The following TTL variants were observed in gnomAD, a reference collection of about 807,000 sequenced individuals.
TTL encodes tubulin--tyrosine ligase.
A neutral mutation model predicts 41.1 loss-of-function variants in TTL; 10 were observed. That is an observed-to-expected ratio of 0.24 (90% CI 0.15 to 0.41). TTL has a LOEUF of 0.41. Ranked by LOEUF, TTL falls within the 10% of genes least tolerant of loss-of-function variation. The pLI, the probability that TTL is intolerant of heterozygous loss-of-function variation, is 1.00. For synonymous variants in TTL, 175 were observed against 175.5 expected (o/e 1.00, Z 0.02); for missense variants, 367 against 460.4 (o/e 0.80, Z 1.86).
At chr2:112,503,241 T>C in intron 5 of TTL, 60 bp downstream of exon 5, 2 of 1,413,318 alleles carry the variant, frequency 1.4e-6, no homozygotes, top group Admixed American at 2.4e-5. Flanking sequence ...TTGGCGTCTA[T>C]GCCTTTCAAA....
chr2:112,494,328 A>T lies in TTL; in HGVS notation c.422A>T (p.Asp141Val). The T allele has an allele frequency of 6.2e-7, 1 of 1,614,190 alleles. No individual in the cohort carries two copies. Among genetic ancestry groups the T allele is most frequent in the Non-Finnish European group, 8.5e-7 (1 of 1,180,042 alleles). The change falls in exon 3 of 7, where the codon GAT becomes GTT. Residue 141 changes from aspartate to valine, a missense_variant. Asp to Val is a radical substitution (Grantham distance 152). Transcript: ENST00000233336. ...GCCTCTTATAACAGAAAGAAAGAGGATGGAGAGGGCAACGTTTGGATTGCA... is the reference window on the plus strand; with the variant it reads ...GCCTCTTATAACAGAAAGAAAGAGGTTGGAGAGGGCAACGTTTGGATTGCA... ...FLASYNRKKE[D>V]GEGNVWIAKS...
rs1682439503 is a variant in TTL, at chr2:112,529,040, G to T, written c.*245G>T. On this transcript the variant is annotated 3_prime_UTR_variant, in exon 7 of 7. Transcript: ENST00000233336. ...TTGAAAACAACTTTGGTACACAAAG[G>T]CAGCTTTGTGAGCAGAGCTCCTTCC... 5 of 543,500 alleles carry T rather than the reference G, an allele frequency of 9.2e-6. No homozygotes were observed. The highest frequency in any genetic ancestry group is 1.7e-5 in the Non-Finnish European group (5 of 301,944). The allele number at this position is 543,500 out of a possible 1,614,324, so 33.7% of individuals were successfully genotyped here. A position where few individuals can be genotyped will look rare whatever the true frequency, so the allele number is the denominator to read the frequency against.
Position 112,531,958 on chromosome 2 carries a change from A to G in TTL, c.*3163A>G, listed in dbSNP as rs1159408802. 1 of 225,706 alleles carries G rather than the reference A, an allele frequency of 4.4e-6. No homozygotes were observed. The highest frequency in any genetic ancestry group is 8.8e-6 in the Non-Finnish European group (1 of 113,558). The allele number at this position is 225,706 out of a possible 1,614,324, so 14.0% of individuals were successfully genotyped here. Reference sequence around the variant, plus strand: ...TCCCTTTCCCCAAAACTCAACTCCTATGGCAATTATGAACTCCATTTTACC... The same window carrying G: ...TCCCTTTCCCCAAAACTCAACTCCTGTGGCAATTATGAACTCCATTTTACC... On this transcript the variant is annotated 3_prime_UTR_variant, in exon 7 of 7. Transcript: ENST00000233336.
At chr2:112,514,699 T>A (rs1224866224) in intron 5 of TTL, among the ~76,000 whole-genome samples, 1 of 152,228 alleles carries the variant, frequency 6.6e-6, no homozygotes, top group African/African-American at 2.4e-5. Flanking sequence ...TCTTTGTACA[T>A]ATTCCTGCAT....
intron 6 of TTL, among the ~76,000 whole-genome samples, chr2:112,523,339 T>C (rs1213645003): frequency 1.2e-5 from 1 of 86,832 alleles, no homozygotes; most frequent in East Asian, 3.7e-4. Context: ...TGTCTGTGGG[T>C]GTGTGTGTGT....
At chr2:112,500,596 TA>T (rs1681665598) in intron 3 of TTL, among the ~76,000 whole-genome samples, 1 of 152,176 alleles carries the variant, frequency 6.6e-6, no homozygotes, top group Non-Finnish European at 1.5e-5. Flanking sequence ...AACAAAGAAA[TA>T]ACAACAAAAA....
At chr2:112,501,866 CAAAAAA>C (rs67074839) in intron 4 of TTL, among the ~76,000 whole-genome samples, 11 of 138,138 alleles carry the variant, frequency 8.0e-5, no homozygotes, top group Admixed American at 1.4e-4. Flanking sequence ...ACTCCTGTGT[CAAAAAA>C]AAAAAAAAAA....
chr2:112,503,112 A>G lies in TTL; in HGVS notation c.806A>G (p.Gln269Arg). 1 of 1,613,402 alleles carries G rather than the reference A, an allele frequency of 6.2e-7. No homozygotes were observed. The highest frequency in any genetic ancestry group is 8.5e-7 in the Non-Finnish European group (1 of 1,179,928). ...GAAATGTTCTTCAAGGAGTTCAATC[A>G]GTACCTAACAAGTGCTTTGAACATT... ...GNEMFFKEFN[Q>R]YLTSALNITL... The change falls in exon 5 of 7, where the codon CAG (glutamine) becomes CGG (arginine). Residue 269 changes from glutamine to arginine, a missense_variant. By Grantham distance (43) the Gln-to-Arg change is conservative. Transcript: ENST00000233336.
At chr2:112,485,809 A>G (rs1020157758) in intron 1 of TTL, 108 bp from the exon 2 acceptor site, 19 of 1,035,626 alleles carry the variant, frequency 1.8e-5, no homozygotes, top group Non-Finnish European at 2.4e-5. Context: ...TCCATTTTCT[A>G]ACAGCCAATC....
chr2:112,521,589 C>T (rs1682232694), intron 6 of TTL, among the ~76,000 whole-genome samples: 1 of 152,232 alleles, frequency 6.6e-6, no homozygotes, highest in South Asian at 2.1e-4. Flanking sequence ...TTGCCATTGC[C>T]TGATGGTTAC....
intron 2 of TTL, among the ~76,000 whole-genome samples, chr2:112,489,168 T>G (rs907137516): frequency 1.3e-5 from 2 of 152,238 alleles, no homozygotes; most frequent in African/African-American, 2.4e-5. Context: ...TTTTGACATG[T>G]AATTAATATA....
chr2:112,516,712 C>T (rs115564359), intron 5 of TTL, among the ~76,000 whole-genome samples: 2,053 of 152,154 alleles, frequency 0.013, 30 homozygotes, highest in East Asian at 0.066. Context: ...TTTATGTGAG[C>T]GTCTGTTCTA....
chr2:112,490,674 C>T (rs1366623678), intron 2 of TTL, among the ~76,000 whole-genome samples: 4 of 144,694 alleles, frequency 2.8e-5, no homozygotes, highest in Admixed American at 7.2e-5. Context: ...CCAGTTCAAG[C>T]GATTCTCCTG....
intron 2 of TTL, among the ~76,000 whole-genome samples, chr2:112,487,064 G>A (rs151185473): frequency 2.1e-3 from 318 of 152,254 alleles, no homozygotes; most frequent in African/African-American, 7.0e-3. Context: ...CTAAAATCAG[G>A]GCTGTCGTGG....
Position 112,520,415 on chromosome 2 carries a change from G to A in TTL, c.1009G>A (p.Ala337Thr). ...VWLIEVNGAPACAQKLYAELC... is the reference protein window; with the variant it reads ...VWLIEVNGAPTCAQKLYAELC... The stretch of plus-strand genomic sequence containing the variant: ...GCTCATTGAGGTCAACGGTGCCCCT[G>A]CATGTGCTCAGTAAGCCTGCACGTC... The change falls in exon 6 of 7, where the codon GCA becomes ACA. Residue 337 changes from alanine (A) to threonine (T), a missense_variant. Coordinates refer to ENST00000233336, the MANE Select transcript of TTL (RefSeq NM_153712.5). 1 of 1,613,906 alleles carries A rather than the reference G, an allele frequency of 6.2e-7. No individual in the cohort carries two copies. The highest frequency in any genetic ancestry group is 8.5e-7 in the Non-Finnish European group (1 of 1,180,008).
At chr2:112,525,701 T>TA (rs1213694970) in intron 6 of TTL, among the ~76,000 whole-genome samples, 4 of 152,070 alleles carry the variant, frequency 2.6e-5, no homozygotes, top group African/African-American at 7.2e-5. Context: ...GATGATGGGG[T>TA]TTTCTAAATA....
chr2:112,529,431 G>C lies in TTL; in HGVS notation c.*636G>C. 1 of 227,966 alleles carries C rather than the reference G, an allele frequency of 4.4e-6. No individual in the cohort carries two copies. Among genetic ancestry groups the C allele is most frequent in the Non-Finnish European group, 8.7e-6 (1 of 114,514 alleles). The allele number at this position is 227,966 out of a possible 1,614,324, so 14.1% of individuals were successfully genotyped here. A position where few individuals can be genotyped will look rare whatever the true frequency, so the allele number is the denominator to read the frequency against. ...CTAAGTCTGCTCTCTGCATGTTTTA[G>C]AAACAAAGTGGCAAGTCTGCCCTGA... On this transcript the variant is annotated 3_prime_UTR_variant, in exon 7 of 7. Coordinates refer to ENST00000233336, the MANE Select transcript of TTL (RefSeq NM_153712.5).
chr2:112,497,098 G>T (rs1466568693), intron 3 of TTL, among the ~76,000 whole-genome samples: 1 of 151,772 alleles, frequency 6.6e-6, no homozygotes, highest in Non-Finnish European at 1.5e-5. Flanking sequence ...GGGATTACAG[G>T]CGTGAGCCAC....
chr2:112,515,214 G>T (rs944832610), intron 5 of TTL, among the ~76,000 whole-genome samples: 1 of 152,132 alleles, frequency 6.6e-6, no homozygotes, highest in African/African-American at 2.4e-5. Context: ...TCCAGAGTAT[G>T]CCCTGTGTAT....
Sources: allele counts gnomAD v4.1 joint callset (sites outside exome capture counted in the v4.1 genomes callset), GRCh38; gene constraint gnomAD v4.1.1; transcripts MANE v1.5; gene names NCBI Gene and HGNC (gene_info 2026-07-23, HGNC 2026-07-21).